Variants in MAGI2 observed in about 807,000 individuals in gnomAD.
MAGI2 encodes membrane associated guanylate kinase, WW and PDZ domain containing 2.
A neutral mutation model predicts 133.3 loss-of-function variants in MAGI2; 35 were observed. That is an observed-to-expected ratio of 0.26 (90% CI 0.20 to 0.35). MAGI2 has a LOEUF of 0.35. Among genes scored for constraint, MAGI2 ranks in the 10% least tolerant of loss-of-function variants. The probability of loss-of-function intolerance (pLI) is 1.00; values close to 1 mark genes in which losing one functional copy is unlikely to be tolerated. For missense variants in MAGI2, 1,636 were observed against 1,863.4 expected (o/e 0.88, Z 2.25); for synonymous variants, 729 against 710.6 (o/e 1.03, Z -0.41).
chr7:78,528,757 T>C lies in MAGI2; in HGVS notation c.539-7112A>G, dbSNP rs1450826529. 2.0e-5 allele frequency among the ~76,000 whole-genome samples: 3 copies of C among 152,276 alleles called. No homozygotes were observed. In the East Asian group the frequency reaches 5.8e-4, roughly 29 times the overall value. On this transcript the variant is annotated intron_variant, in intron 3 of 21. Transcript: ENST00000354212. ...ATTTCCTCATCATGTCATATGTAGT[T>C]AGCAGCTTGAAACCAAGATGCAGAA...
At chr7:79,399,860 A>T (rs1346800080) in intron 1 of MAGI2, among the ~76,000 whole-genome samples, 1 of 152,226 alleles carries the variant, frequency 6.6e-6, no homozygotes, top group East Asian at 1.9e-4. Flanking sequence ...TCCAACTATC[A>T]TACATCTGGC....
intron 1 of MAGI2, among the ~76,000 whole-genome samples, chr7:79,381,904 A>T (rs185708392): frequency 6.6e-6 from 1 of 151,932 alleles, no homozygotes; most frequent in East Asian, 1.9e-4. Context: ...AAATATCACT[A>T]TTAAACTGAA....
At chr7:79,137,450 G>GTTTTTTTTTT (rs376997399) in intron 1 of MAGI2, among the ~76,000 whole-genome samples, 5 of 133,292 alleles carry the variant, frequency 3.8e-5, no homozygotes, top group Non-Finnish European at 7.8e-5. Flanking sequence ...GGTGTTTTTT[G>GTTTTTTTTTT]TTTTTTTTTT....
intron 2 of MAGI2, among the ~76,000 whole-genome samples, chr7:78,967,760 C>T (rs1382578931): frequency 2.6e-5 from 4 of 151,932 alleles, no homozygotes; most frequent in South Asian, 2.1e-4. Context: ...TTATTATATA[C>T]GCATGGCTTA....
intron 2 of MAGI2, among the ~76,000 whole-genome samples, chr7:78,901,722 G>A (rs920673851): frequency 6.6e-6 from 1 of 151,814 alleles, no homozygotes; most frequent in Non-Finnish European, 1.5e-5. Flanking sequence ...AGGAAATTAA[G>A]TGATCGGTTC....
intron 6 of MAGI2, among the ~76,000 whole-genome samples, chr7:78,478,121 T>G (rs1791973529): frequency 6.6e-6 from 1 of 151,796 alleles, no homozygotes; most frequent in Non-Finnish European, 1.5e-5. Flanking sequence ...CCCCTCCCTG[T>G]GTCCATGTGT....
Position 79,214,688 on chromosome 7 carries a change from T to C in MAGI2, c.302-207482A>G, listed in dbSNP as rs1829856062. On this transcript the variant is annotated intron_variant, in intron 1 of 21. Transcript: ENST00000354212. ...AATTATGAAATATAAATATATAATATATATTTATACATAAATATACATAAA... is the reference window on the plus strand; with the variant it reads ...AATTATGAAATATAAATATATAATACATATTTATACATAAATATACATAAA... Among the ~76,000 whole-genome samples, 2 of 139,520 alleles carry C rather than the reference T, an allele frequency of 1.4e-5. 1 individual carries two copies. Among genetic ancestry groups the C allele is most frequent in the South Asian group, 4.3e-4 (2 of 4,698 alleles). 91.5% of individuals were successfully genotyped at this position (139,520 alleles called of 152,430 possible). A position where few individuals can be genotyped will look rare whatever the true frequency, so the allele number is the denominator to read the frequency against.
intron 7 of MAGI2, among the ~76,000 whole-genome samples, chr7:78,360,445 A>ATTTG (rs1472709279): frequency 6.6e-6 from 1 of 152,216 alleles, no homozygotes; most frequent in Non-Finnish European, 1.5e-5. Flanking sequence ...TCTCAGTCTA[A>ATTTG]GATATGATTC....
intron 7 of MAGI2, chr7:78,359,454 A>G (rs1295167416): frequency 6.6e-6 from 1 of 152,228 alleles, no homozygotes; most frequent in African/African-American, 2.4e-5. Context: ...TTTCAAAGAA[A>G]AAAATAGTTC....
intron 1 of MAGI2, among the ~76,000 whole-genome samples, chr7:79,369,861 A>C (rs1842951004): frequency 6.6e-6 from 1 of 152,154 alleles, no homozygotes. Context: ...ATCATAGATA[A>C]ATTTGAGGTT....
At chr7:78,477,250 T>C (rs1172222347) in intron 6 of MAGI2, among the ~76,000 whole-genome samples, 1 of 151,994 alleles carries the variant, frequency 6.6e-6, no homozygotes, top group Admixed American at 6.6e-5. Context: ...CTTACAGAGA[T>C]TGTTCCAACA....
intron 18 of MAGI2, among the ~76,000 whole-genome samples, chr7:78,127,790 T>C (rs1821145279): frequency 6.6e-6 from 1 of 152,204 alleles, no homozygotes; most frequent in South Asian, 2.1e-4. Flanking sequence ...ATCTTAAGAC[T>C]GGTAAACCAA....
intron 6 of MAGI2, among the ~76,000 whole-genome samples, chr7:78,417,761 A>T (rs1016026648): frequency 6.6e-6 from 1 of 152,150 alleles, no homozygotes; most frequent in South Asian, 2.1e-4. Context: ...TAGGTTGGAT[A>T]AATTGTCTAC....
At chr7:79,099,679 A>G (rs71555023) in intron 1 of MAGI2, among the ~76,000 whole-genome samples, 1,919 of 151,580 alleles carry the variant, frequency 0.013, 17 homozygotes, top group African/African-American at 0.015. Context: ...TCTTTTTTCC[A>G]TGTGTACTTA....
chr7:78,328,529 A>ACACACACACACACACC (rs1408831333), intron 9 of MAGI2, among the ~76,000 whole-genome samples: 1,327 of 99,810 alleles, frequency 0.013, 29 homozygotes, highest in African/African-American at 0.048. Context: ...ACACACACAC[A>ACACACACACACACACC]CCCCTCTCTC....
chr7:78,640,990 T>G (rs890071528), intron 2 of MAGI2, among the ~76,000 whole-genome samples: 5 of 152,158 alleles, frequency 3.3e-5, no homozygotes, highest in Admixed American at 2.0e-4. Flanking sequence ...TCCCCCATCC[T>G]GTTATTGTGA....
At chr7:78,474,662 A>C (rs1045627775) in intron 6 of MAGI2, among the ~76,000 whole-genome samples, 1 of 151,974 alleles carries the variant, frequency 6.6e-6, no homozygotes, top group Non-Finnish European at 1.5e-5. Context: ...TGGCAAATAG[A>C]CAAATAAGAT....
intron 1 of MAGI2, among the ~76,000 whole-genome samples, chr7:79,026,477 G>T (rs1344250132): frequency 6.6e-6 from 1 of 152,136 alleles, no homozygotes; most frequent in African/African-American, 2.4e-5. Context: ...CATGGATTGG[G>T]GGGAAATATT....
chr7:79,045,632 A>C (rs1025608941), intron 1 of MAGI2, among the ~76,000 whole-genome samples: 2 of 152,152 alleles, frequency 1.3e-5, no homozygotes, highest in Non-Finnish European at 2.9e-5. Context: ...CTCTACTAAA[A>C]ATACAAAAAA....
Sources: allele counts gnomAD v4.1 joint callset (sites outside exome capture counted in the v4.1 genomes callset), GRCh38; gene constraint gnomAD v4.1.1; transcripts MANE v1.5; gene names NCBI Gene and HGNC (gene_info 2026-07-23, HGNC 2026-07-21).